The following CADM2 variants were observed in gnomAD, a reference collection of about 807,000 sequenced individuals.
The protein encoded by CADM2 is immunoglobulin superfamily member 4D.
CADM2 carries 12 observed loss-of-function variants against 49.8 expected under a neutral mutation model. The observed-to-expected ratio is 0.24, with a 90% CI of 0.15 to 0.39. The LOEUF (loss-of-function observed/expected upper bound fraction) is 0.39, where lower values mean the gene tolerates loss of function less well. Among genes scored for constraint, CADM2 ranks in the 10% least tolerant of loss-of-function variants. The pLI is 1.00. For synonymous variants in CADM2, 214 were observed against 175.4 expected (o/e 1.22, Z -1.74); for missense variants, 378 against 492.3 (o/e 0.77, Z 2.20).
intron 6 of CADM2, among the ~76,000 whole-genome samples, chr3:85,928,339 A>G (rs754357160): frequency 2.0e-5 from 3 of 152,050 alleles, no homozygotes; most frequent in East Asian, 1.9e-4. Flanking sequence ...TTGTATTTTT[A>G]GTAGAGACGG....
chr3:85,982,533 A>C (rs912356434), intron 8 of CADM2, among the ~76,000 whole-genome samples: 1 of 151,644 alleles, frequency 6.6e-6, no homozygotes. Flanking sequence ...CCTAACGCCC[A>C]TTTTTCCTTC....
intron 1 of CADM2, among the ~76,000 whole-genome samples, chr3:85,153,657 C>T (rs1034627978): frequency 1.3e-5 from 2 of 152,128 alleles, no homozygotes; most frequent in Non-Finnish European, 2.9e-5. Flanking sequence ...AACAAAAAGA[C>T]AGCAGTAACC....
chr3:84,959,002 CGTCGCCGCTGCCGCT>C lies in CADM2; in HGVS notation c.-604_-590del. 2 of 201,488 alleles carry C rather than the reference CGTCGCCGCTGCCGCT, an allele frequency of 9.9e-6. No individual in the cohort carries two copies. Among genetic ancestry groups the C allele is most frequent in the Non-Finnish European group, 2.0e-5 (2 of 101,230 alleles). 12.5% of individuals were successfully genotyped at this position (201,488 alleles called of 1,614,324 possible). On this transcript the variant is annotated 5_prime_UTR_variant, in exon 1 of 10. Coordinates refer to ENST00000383699, the MANE Select transcript of CADM2 (RefSeq NM_001167675.2). ...GTCTGGTGCTTCGTAGAGCTGCCGCCGTCGCCGCTGCCGCTGCCGCCACAGCCGCCGCTGCAGCCG... is the reference window on the plus strand; with the variant it reads ...GTCTGGTGCTTCGTAGAGCTGCCGCCGCCGCCACAGCCGCCGCTGCAGCCG...
chr3:85,358,083 C>G (rs902363133), intron 1 of CADM2, among the ~76,000 whole-genome samples: 11 of 152,052 alleles, frequency 7.2e-5, no homozygotes, highest in Admixed American at 7.2e-4. Context: ...CAGGAATATT[C>G]TTTGTTGTGG....
chr3:85,243,201 C>A (rs561778950), intron 1 of CADM2, among the ~76,000 whole-genome samples: 2 of 151,654 alleles, frequency 1.3e-5, no homozygotes, highest in African/African-American at 2.4e-5. Flanking sequence ...TACTGTATTT[C>A]AATAGCAATA....
chr3:85,543,291 G>A (rs866441171), intron 1 of CADM2, among the ~76,000 whole-genome samples: 15 of 145,008 alleles, frequency 1.0e-4, no homozygotes, highest in Non-Finnish European at 2.0e-4. Flanking sequence ...GTCTTGCCCC[G>A]TCGCCCAGGC....
chr3:85,899,972 C>A (rs1171526318), intron 5 of CADM2, among the ~76,000 whole-genome samples: 1 of 152,168 alleles, frequency 6.6e-6, no homozygotes, highest in African/African-American at 2.4e-5. Context: ...CTCTGCTCTG[C>A]AAACTGATTT....
intron 2 of CADM2, among the ~76,000 whole-genome samples, chr3:85,729,241 C>A (rs1477575562): frequency 6.6e-6 from 1 of 152,058 alleles, no homozygotes; most frequent in Admixed American, 6.5e-5. Context: ...CCATTTATAT[C>A]TTGTTCTGAA....
chr3:85,125,210 A>C (rs1341809367), intron 1 of CADM2, among the ~76,000 whole-genome samples: 5 of 152,180 alleles, frequency 3.3e-5, no homozygotes, highest in African/African-American at 1.2e-4. Context: ...AACTCAGGAC[A>C]TCATTTAGGA....
intron 1 of CADM2, among the ~76,000 whole-genome samples, chr3:85,338,891 C>G (rs2045164465): frequency 6.6e-6 from 1 of 151,450 alleles, no homozygotes; most frequent in South Asian, 2.1e-4. Flanking sequence ...ATGCCTAGAT[C>G]TCCTGAACCA....
At chr3:85,855,580 AAAAACATATATATATAT>A (rs1431485009) in intron 3 of CADM2, among the ~76,000 whole-genome samples, 13 of 129,560 alleles carry the variant, frequency 1.0e-4, no homozygotes, top group South Asian at 2.4e-4. Context: ...TATATATATA[AAAAACATATATATATAT>A]AAAACATATA....
intron 8 of CADM2, among the ~76,000 whole-genome samples, chr3:86,049,816 T>A (rs373771066): frequency 6.6e-6 from 1 of 152,154 alleles, no homozygotes; most frequent in Non-Finnish European, 1.5e-5. Flanking sequence ...AAACCGTTCA[T>A]GAGAAACTGC....
chr3:84,963,243 A>C (rs1007580623), intron 1 of CADM2, among the ~76,000 whole-genome samples: 1 of 152,156 alleles, frequency 6.6e-6, no homozygotes, highest in African/African-American at 2.4e-5. Flanking sequence ...TACAGAAATG[A>C]ATTTCTTTGC....
chr3:85,626,665 T>C (rs917388049), intron 1 of CADM2, among the ~76,000 whole-genome samples: 14 of 152,104 alleles, frequency 9.2e-5, no homozygotes, highest in Admixed American at 2.0e-4. Flanking sequence ...TAGCAATTAT[T>C]AACTCAAAAA....
intron 1 of CADM2, among the ~76,000 whole-genome samples, chr3:85,195,145 A>C (rs1036174398): frequency 6.6e-6 from 1 of 152,138 alleles, no homozygotes; most frequent in Non-Finnish European, 1.5e-5. Flanking sequence ...TGCCCAAAAC[A>C]TGTCAAGAGG....
At chr3:85,789,283 T>G (rs2071187370) in intron 2 of CADM2, among the ~76,000 whole-genome samples, 1 of 152,162 alleles carries the variant, frequency 6.6e-6, no homozygotes, top group Non-Finnish European at 1.5e-5. Context: ...TGGTCATAAA[T>G]TTCTTTTCTC....
intron 3 of CADM2, among the ~76,000 whole-genome samples, chr3:85,822,281 T>G (rs2073627338): frequency 6.6e-6 from 1 of 152,128 alleles, no homozygotes; most frequent in South Asian, 2.1e-4. Context: ...TTTAGGATAT[T>G]TATTTTACAA....
At chr3:84,986,773 A>G (rs555568890) in intron 1 of CADM2, among the ~76,000 whole-genome samples, 1 of 151,878 alleles carries the variant, frequency 6.6e-6, no homozygotes, top group South Asian at 2.1e-4. Flanking sequence ...ATAAAAAAAA[A>G]AGAAGCATAC....
chr3:85,270,001 G>A (rs2043203453), intron 1 of CADM2, among the ~76,000 whole-genome samples: 1 of 150,916 alleles, frequency 6.6e-6, no homozygotes, highest in African/African-American at 2.4e-5. Context: ...GGTTCCCGGG[G>A]AAAAAAGAAG....
Sources: allele counts gnomAD v4.1 joint callset (sites outside exome capture counted in the v4.1 genomes callset), GRCh38; gene constraint gnomAD v4.1.1; transcripts MANE v1.5; gene names NCBI Gene and HGNC (gene_info 2026-07-23, HGNC 2026-07-21).